RNF121: variants seen among roughly 807,000 people sequenced by gnomAD.
RNF121 encodes the protein ring finger protein 121, also known as E3 ubiquitin ligase RNF121.
A neutral mutation model predicts 46.5 loss-of-function variants in RNF121; 21 were observed. The ratio of observed to expected loss-of-function variants is 0.45; its 90% CI spans 0.32 to 0.65. The LOEUF is 0.65. Ranked by LOEUF, RNF121 falls within the 30% of genes least tolerant of loss-of-function variation. RNF121 has a pLI of 0.04. For synonymous variants in RNF121, 139 were observed against 144.7 expected, an observed-to-expected ratio of 0.96 and a Z score of 0.28; for missense variants, 346 against 416.0, an observed-to-expected ratio of 0.83 and a Z score of 1.46.
At chr11:71,972,098 A>G (rs1170074414) in intron 3 of RNF121, among the ~76,000 whole-genome samples, 1 of 152,210 alleles carries the variant, frequency 6.6e-6, no homozygotes, top group Non-Finnish European at 1.5e-5. Flanking sequence ...CCTTAAAAGC[A>G]TAGTACTGAG....
chr11:71,981,019 G>T (rs1376824556), intron 3 of RNF121, among the ~76,000 whole-genome samples: 4 of 151,858 alleles, frequency 2.6e-5, no homozygotes, highest in African/African-American at 9.7e-5. Context: ...CGTTTGGATA[G>T]CACTGGTCTA....
intron 1 of RNF121, among the ~76,000 whole-genome samples, chr11:71,949,830 A>T (rs1023279386): frequency 1.7e-4 from 25 of 151,234 alleles, no homozygotes; most frequent in Admixed American, 1.1e-3. Context: ...CCCTGTCTCT[A>T]CTGAAAAAAA....
rs752840273 is a variant in RNF121, at chr11:71,987,085, C to G, written c.480C>G (p.Thr160=). Residue 160 remains threonine (T), a synonymous_variant, in exon 5 of 9, where the codon ACC becomes ACG. Transcript: ENST00000361756. ...GIVGYMAVMF[T]LFGLNLLFKI... ...TTGGCTACATGGCTGTCATGTTTAC[C>G]CTCTTTGGTCTTAACTTATTATTCA... is the stretch of plus-strand genomic sequence containing the variant. The G allele has an allele frequency of 1.9e-6, 3 of 1,611,646 alleles. No homozygotes were observed. The Admixed American group carries it at 5.0e-5, about 27-fold the overall frequency.
At chr11:71,967,361 T>G (rs943212140) in intron 3 of RNF121, among the ~76,000 whole-genome samples, 1 of 139,332 alleles carries the variant, frequency 7.2e-6, no homozygotes, top group African/African-American at 2.6e-5. Context: ...TTTTTTTTTT[T>G]TTTTTTGAGA....
intron 6 of RNF121, 135 bp downstream of exon 6, chr11:71,990,852 A>T (rs934367559): frequency 9.8e-7 from 1 of 1,020,280 alleles, no homozygotes; most frequent in African/African-American, 1.6e-5. Context: ...GTGCATATGC[A>T]TGGACATTCC....
intron 1 of RNF121, among the ~76,000 whole-genome samples, chr11:71,945,081 G>A (rs75605544): frequency 0.033 from 4,938 of 151,890 alleles, 75 homozygotes; most frequent in East Asian, 0.078. Flanking sequence ...TGAACCTCCT[G>A]GGCTCAAGTG....
intron 3 of RNF121, among the ~76,000 whole-genome samples, chr11:71,972,327 G>A (rs1454036063): frequency 6.6e-6 from 1 of 152,210 alleles, no homozygotes; most frequent in Non-Finnish European, 1.5e-5. Context: ...TTGTTGAGTA[G>A]TAGAAACATG....
At chr11:71,950,105 A>G (rs1239476924) in intron 1 of RNF121, among the ~76,000 whole-genome samples, 2 of 152,160 alleles carry the variant, frequency 1.3e-5, no homozygotes, top group Non-Finnish European at 2.9e-5. Context: ...ATAGTTGATC[A>G]GTTGTTAGTA....
At chr11:71,970,893 A>T (rs973779926) in intron 3 of RNF121, among the ~76,000 whole-genome samples, 1 of 152,148 alleles carries the variant, frequency 6.6e-6, no homozygotes, top group Non-Finnish European at 1.5e-5. Flanking sequence ...GATCTCAGAG[A>T]TGGATGGGAA....
chr11:71,951,314 G>A (rs543475045), intron 1 of RNF121, among the ~76,000 whole-genome samples: 1 of 152,146 alleles, frequency 6.6e-6, no homozygotes, highest in South Asian at 2.1e-4. Flanking sequence ...TTGACATATA[G>A]CAAGTAAAGA....
intron 3 of RNF121, among the ~76,000 whole-genome samples, chr11:71,973,934 TTTTGTTTG>T (rs757761064): frequency 1.3e-5 from 2 of 152,130 alleles, no homozygotes; most frequent in Non-Finnish European, 2.9e-5. Flanking sequence ...CCCTGTATTT[TTTTGTTTG>T]TTTGTTTGTT....
chr11:71,944,134 C>G (rs898468460), intron 1 of RNF121, among the ~76,000 whole-genome samples: 1 of 152,028 alleles, frequency 6.6e-6, no homozygotes, highest in African/African-American at 2.4e-5. Flanking sequence ...GAGTTCGAGA[C>G]CAGCTTGGGC....
chr11:71,989,604 C>T (rs1007255963), intron 5 of RNF121, among the ~76,000 whole-genome samples: 1 of 152,004 alleles, frequency 6.6e-6, no homozygotes, highest in Non-Finnish European at 1.5e-5. Context: ...CACATACATA[C>T]GGTTCTTTGT....
rs1954329334 is a variant in RNF121, at chr11:71,968,100, C to CG, written c.243+7210dup. Reference sequence around the variant, plus strand: ...TTTTTAAGATGAAGTCCTGCTCTGTCGCCCAGTTTGGAGTGCAGTGGCATG... The same window carrying CG: ...TTTTTAAGATGAAGTCCTGCTCTGTCGGCCCAGTTTGGAGTGCAGTGGCATG... On this transcript the variant is annotated intron_variant, in intron 3 of 8. Coordinates refer to ENST00000361756, the MANE Select transcript of RNF121 (RefSeq NM_018320.5). Among the ~76,000 whole-genome samples, 8 of 150,962 alleles carry CG rather than the reference C, an allele frequency of 5.3e-5. No homozygotes were observed. In the South Asian group the frequency reaches 1.7e-3, roughly 31 times the overall value.
chr11:71,980,638 C>T (rs1458229591), intron 3 of RNF121, among the ~76,000 whole-genome samples: 4 of 152,108 alleles, frequency 2.6e-5, no homozygotes, highest in Admixed American at 6.5e-5. Flanking sequence ...TGAGTCACCA[C>T]GCCTGGCCAT....
chr11:71,980,413 C>T (rs1954626697), intron 3 of RNF121, among the ~76,000 whole-genome samples: 1 of 151,856 alleles, frequency 6.6e-6, no homozygotes, highest in South Asian at 2.1e-4. Flanking sequence ...ATGGCGCGAT[C>T]TCAGCTTGCC....
chr11:71,944,785 G>A (rs1953674021), intron 1 of RNF121, among the ~76,000 whole-genome samples: 1 of 152,172 alleles, frequency 6.6e-6, no homozygotes, highest in South Asian at 2.1e-4. Context: ...GTAATAGGAA[G>A]GAAGGAAAAG....
intron 1 of RNF121, among the ~76,000 whole-genome samples, chr11:71,941,842 A>G (rs1464278487): frequency 6.6e-6 from 1 of 152,136 alleles, no homozygotes; most frequent in African/African-American, 2.4e-5. Flanking sequence ...ATGGTTCTGT[A>G]TGAGGTCAGG....
chr11:71,965,590 C>T (rs1298584635), intron 3 of RNF121, among the ~76,000 whole-genome samples: 1 of 152,112 alleles, frequency 6.6e-6, no homozygotes, highest in Non-Finnish European at 1.5e-5. Context: ...ATTTAATTTA[C>T]CTTTATCGAT....
Sources: gnomAD v4.1 joint callset for allele counts (sites outside exome capture counted in the v4.1 genomes callset) on GRCh38, gnomAD v4.1.1 for gene constraint, MANE v1.5 for transcripts, NCBI Gene and HGNC (gene_info 2026-07-23, HGNC 2026-07-21) for gene names.